Variants in SMIM31 observed in about 807,000 individuals in gnomAD.
SMIM31 encodes small integral membrane protein 31, also known as human epithelial cell program regulator.
intron 2 of SMIM31, among the ~76,000 whole-genome samples, chr4:164,789,832 G>GTT (rs1733076941): frequency 6.6e-6 from 1 of 152,134 alleles, no homozygotes; most frequent in African/African-American, 2.4e-5. Flanking sequence ...TGAAGTTAAT[G>GTT]TTTCTCTCTC....
intron 2 of SMIM31, among the ~76,000 whole-genome samples, chr4:164,776,868 AT>A (rs1560827616): frequency 6.6e-6 from 1 of 152,192 alleles, no homozygotes; most frequent in African/African-American, 2.4e-5. Context: ...TTTTTACCTA[AT>A]AATAGTTCAT....
intron 2 of SMIM31, among the ~76,000 whole-genome samples, chr4:164,787,784 C>T (rs1265755761): frequency 1.3e-5 from 2 of 152,078 alleles, no homozygotes; most frequent in African/African-American, 4.8e-5. Context: ...TATTTTTCAT[C>T]CTGTTCTCTT....
At chr4:164,780,298 A>C (rs565157979) in intron 2 of SMIM31, among the ~76,000 whole-genome samples, 1 of 152,010 alleles carries the variant, frequency 6.6e-6, no homozygotes, top group Non-Finnish European at 1.5e-5. Context: ...GTGGTGGCGC[A>C]TGCCTGTAGT....
At chr4:164,761,437 G>A in intron 1 of SMIM31, among the ~76,000 whole-genome samples, 1 of 152,058 alleles carries the variant, frequency 6.6e-6, no homozygotes, top group East Asian at 1.9e-4. Context: ...TTGAAACCTA[G>A]CAAAATAGAA....
At chr4:164,772,633 C>T (rs1323311071) in intron 2 of SMIM31, among the ~76,000 whole-genome samples, 1 of 149,000 alleles carries the variant, frequency 6.7e-6, no homozygotes, top group African/African-American at 2.5e-5. Flanking sequence ...GGCTGGAGTG[C>T]AGTGGCGCGA....
chr4:164,771,577 G>A (rs1212904978), intron 2 of SMIM31, among the ~76,000 whole-genome samples: 4 of 151,976 alleles, frequency 2.6e-5, no homozygotes, highest in Admixed American at 6.6e-5. Flanking sequence ...CGAGGCAGGC[G>A]GATCACGAGG....
At chr4:164,779,436 C>T (rs909909522) in intron 2 of SMIM31, among the ~76,000 whole-genome samples, 1 of 152,196 alleles carries the variant, frequency 6.6e-6, no homozygotes, top group Non-Finnish European at 1.5e-5. Context: ...CCCCTATTAG[C>T]AAAAGACCAA....
At chr4:164,781,898 C>G (rs553031818) in intron 2 of SMIM31, among the ~76,000 whole-genome samples, 1 of 152,138 alleles carries the variant, frequency 6.6e-6, no homozygotes, top group Non-Finnish European at 1.5e-5. Flanking sequence ...AGGAGTAGCA[C>G]GGGGAATTGC....
chr4:164,760,746 A>T (rs1333986058), intron 1 of SMIM31, among the ~76,000 whole-genome samples: 1 of 151,142 alleles, frequency 6.6e-6, no homozygotes, highest in Non-Finnish European at 1.5e-5. Context: ...CCTAAAAAAA[A>T]AAAAAAAAAA....
intron 1 of SMIM31, among the ~76,000 whole-genome samples, chr4:164,767,050 C>T (rs769109844): frequency 6.6e-6 from 1 of 152,114 alleles, no homozygotes; most frequent in Non-Finnish European, 1.5e-5. Context: ...GTCACACATG[C>T]TACCATCAGA....
At chr4:164,794,812 A>G (rs2110962262) in intron 2 of SMIM31, among the ~76,000 whole-genome samples, 2 of 151,910 alleles carry the variant, frequency 1.3e-5, no homozygotes, top group Middle Eastern at 6.8e-3. Context: ...TCAAAAAATA[A>G]TAATAATAAT....
chr4:164,782,285 G>A (rs151142204), intron 2 of SMIM31, among the ~76,000 whole-genome samples: 1,666 of 148,616 alleles, frequency 0.011, 32 homozygotes, highest in African/African-American at 0.038. Context: ...GTGAAACTCC[G>A]TCTCACAAAA....
chr4:164,791,726 G>T (rs78333140), intron 2 of SMIM31, among the ~76,000 whole-genome samples: 3,123 of 152,110 alleles, frequency 0.021, 79 homozygotes, highest in African/African-American at 0.07. Flanking sequence ...TAGATTTAAG[G>T]TACAAGTGGT....
At chr4:164,758,929 A>C (rs762453556) in intron 1 of SMIM31, among the ~76,000 whole-genome samples, 7 of 145,198 alleles carry the variant, frequency 4.8e-5, no homozygotes, top group Non-Finnish European at 1.0e-4. Flanking sequence ...CAGCCTCCCA[A>C]AGTGCTAGGA....
intron 1 of SMIM31, among the ~76,000 whole-genome samples, chr4:164,769,642 G>C (rs1350591512): frequency 6.6e-5 from 10 of 151,142 alleles, no homozygotes; most frequent in Admixed American, 4.6e-4. Context: ...TATACCTAAT[G>C]TTAAATTATG....
At chr4:164,797,087 A>G (rs1033910450) in intron 2 of SMIM31, among the ~76,000 whole-genome samples, 2 of 152,180 alleles carry the variant, frequency 1.3e-5, no homozygotes, top group Non-Finnish European at 2.9e-5. Flanking sequence ...CTTTTAGTTA[A>G]TAATATTCAC....
intron 1 of SMIM31, among the ~76,000 whole-genome samples, chr4:164,764,572 A>T (rs1732695373): frequency 6.6e-6 from 1 of 151,636 alleles, no homozygotes; most frequent in South Asian, 2.1e-4. Flanking sequence ...TCTCAAAAAA[A>T]AAAAAAGAAA....
chr4:164,786,115 G>T (rs1347415627), intron 2 of SMIM31, among the ~76,000 whole-genome samples: 1 of 152,110 alleles, frequency 6.6e-6, no homozygotes, highest in Non-Finnish European at 1.5e-5. Flanking sequence ...CAACTTCACA[G>T]ATTTTAAAAA....
At chr4:164,785,218 A>G (rs1733012343) in intron 2 of SMIM31, among the ~76,000 whole-genome samples, 1 of 143,600 alleles carries the variant, frequency 7.0e-6, no homozygotes, top group Admixed American at 7.0e-5. Flanking sequence ...GAGCAAGACT[A>G]TCTCAAAAAA....
Sources: allele counts gnomAD v4.1 joint callset (sites outside exome capture counted in the v4.1 genomes callset), GRCh38; gene constraint gnomAD v4.1.1; transcripts MANE v1.5; gene names NCBI Gene and HGNC (gene_info 2026-07-23, HGNC 2026-07-21).